ADGRB3: variants seen among roughly 807,000 people sequenced by gnomAD.
ADGRB3 encodes brain-specific angiogenesis inhibitor 3.
ADGRB3 carries 37 observed loss-of-function variants against 193.4 expected under a neutral mutation model. The observed-to-expected ratio is 0.19, with a 90% CI of 0.15 to 0.25. The LOEUF is 0.25. Among genes scored for constraint, ADGRB3 ranks in the 10% least tolerant of loss-of-function variants. The pLI, the probability that ADGRB3 is intolerant of heterozygous loss-of-function variation, is 1.00. For missense variants in ADGRB3, 1,637 were observed against 1,852.9 expected (o/e 0.88, Z 2.14); for synonymous variants, 690 against 644.2 (o/e 1.07, Z -1.08).
At position 69,310,801 on chromosome 6, in the gene ADGRB3, T is replaced by C. The variant is rs186378161; in HGVS notation, c.2815-14071T>C. ...AATGACAAAAGCTGTAAGGAAACCA[T>C]GGTAAAGAAAAAGACCTCCTAGAGT... On this transcript the variant is annotated intron_variant, in intron 20 of 31. Coordinates refer to ENST00000370598, the MANE Select transcript of ADGRB3 (RefSeq NM_001704.3). Among the ~76,000 whole-genome samples, 544 of 151,812 alleles carry C rather than the reference T, an allele frequency of 3.6e-3. 3 individuals carry two copies. The highest frequency in any genetic ancestry group is 0.029 in the South Asian group (140 of 4,828).
At chr6:69,186,587 C>T (rs996298316) in intron 17 of ADGRB3, among the ~76,000 whole-genome samples, 4 of 151,826 alleles carry the variant, frequency 2.6e-5, no homozygotes, top group African/African-American at 7.3e-5. Flanking sequence ...AAGCCTGGCA[C>T]ATAATAAAAT....
chr6:69,021,477 G>C (rs1487910846), intron 13 of ADGRB3, among the ~76,000 whole-genome samples: 1 of 151,848 alleles, frequency 6.6e-6, no homozygotes, highest in Non-Finnish European at 1.5e-5. Flanking sequence ...TACTGGATTA[G>C]ATAGAATGGG....
Position 69,279,066 on chromosome 6 carries a change from CATATGTATAT to C in ADGRB3, c.2814+39845_2814+39854del, listed in dbSNP as rs1767362668. ...AACACCTCATATGGCATATTAAATA[CATATGTATAT>C]ATATATATATATATATATATATATA... On this transcript the variant is annotated intron_variant, in intron 20 of 31. Transcript: ENST00000370598. Among the ~76,000 whole-genome samples the C allele has an allele frequency of 1.9e-4, 10 of 53,756 alleles. No homozygotes were observed. The South Asian group carries it at 4.8e-3, about 26-fold the overall frequency. The allele number at this position is 53,756 out of a possible 152,430, so 35.3% of individuals were successfully genotyped here.
At chr6:69,219,492 T>TATATATATATATATAC in intron 17 of ADGRB3, among the ~76,000 whole-genome samples, 1 of 141,590 alleles carries the variant, frequency 7.1e-6, no homozygotes, top group African/African-American at 2.6e-5. Flanking sequence ...TATATATATA[T>TATATATATATATATAC]ACGTGTGTGT....
At chr6:68,773,598 C>G (rs1272721463) in intron 3 of ADGRB3, among the ~76,000 whole-genome samples, 1 of 152,134 alleles carries the variant, frequency 6.6e-6, no homozygotes, top group East Asian at 1.9e-4. Context: ...TATGCTCTCT[C>G]CATTTGTCTG....
chr6:69,273,862 C>T (rs1767233866), intron 20 of ADGRB3, among the ~76,000 whole-genome samples: 2 of 152,274 alleles, frequency 1.3e-5, no homozygotes, highest in South Asian at 4.1e-4. Context: ...AGAAAACAAT[C>T]TGTCACTGGG....
At chr6:68,688,904 T>A (rs1289185296) in intron 3 of ADGRB3, among the ~76,000 whole-genome samples, 1 of 152,156 alleles carries the variant, frequency 6.6e-6, no homozygotes, top group East Asian at 1.9e-4. Context: ...GCATTAATGA[T>A]TCCCCATTGT....
At chr6:69,288,555 C>A (rs543195042) in intron 20 of ADGRB3, among the ~76,000 whole-genome samples, 1 of 152,284 alleles carries the variant, frequency 6.6e-6, no homozygotes, top group East Asian at 1.9e-4. Flanking sequence ...GCTTACCATT[C>A]TCCAGAAACT....
intron 3 of ADGRB3, among the ~76,000 whole-genome samples, chr6:68,913,716 A>T (rs1322049852): frequency 6.6e-6 from 1 of 152,256 alleles, no homozygotes; most frequent in African/African-American, 2.4e-5. Context: ...GAGTTGAGAG[A>T]AGAAGGCTTC....
chr6:69,357,993 G>A (rs559033427), intron 28 of ADGRB3, among the ~76,000 whole-genome samples: 5 of 151,936 alleles, frequency 3.3e-5, no homozygotes, highest in South Asian at 2.1e-4. Flanking sequence ...TGATTTGTCC[G>A]GGTTTAGAAG....
At chr6:69,262,067 A>G (rs1561969931) in intron 20 of ADGRB3, among the ~76,000 whole-genome samples, 1 of 152,036 alleles carries the variant, frequency 6.6e-6, no homozygotes, top group Non-Finnish European at 1.5e-5. Context: ...AATGTATCAT[A>G]AAGGACAGAA....
chr6:68,797,171 T>C (rs1215663361), intron 3 of ADGRB3, among the ~76,000 whole-genome samples: 2 of 152,242 alleles, frequency 1.3e-5, no homozygotes, highest in African/African-American at 4.8e-5. Context: ...TTAAGTACCT[T>C]GCGTGGGTCA....
chr6:69,094,235 C>A (rs192975533), intron 17 of ADGRB3, among the ~76,000 whole-genome samples: 1 of 152,242 alleles, frequency 6.6e-6, no homozygotes, highest in African/African-American at 2.4e-5. Context: ...CTGTACAACA[C>A]CTTCTCCATG....
At chr6:68,918,898 C>T (rs1227695445) in intron 3 of ADGRB3, among the ~76,000 whole-genome samples, 3 of 152,036 alleles carry the variant, frequency 2.0e-5, no homozygotes, top group Non-Finnish European at 4.4e-5. Context: ...TTTACCGCAG[C>T]GTAGTATTTA....
chr6:69,267,461 G>C (rs927086315), intron 20 of ADGRB3, among the ~76,000 whole-genome samples: 26 of 152,106 alleles, frequency 1.7e-4, no homozygotes, highest in African/African-American at 6.3e-4. Flanking sequence ...CAAAAGTACT[G>C]AGCTAGCATT....
chr6:69,235,071 G>A lies in ADGRB3; in HGVS notation c.2647G>A (p.Val883Ile). The A allele has an allele frequency of 6.2e-7, 1 of 1,613,224 alleles. No homozygotes were observed. The highest frequency in any genetic ancestry group is 8.5e-7 in the Non-Finnish European group (1 of 1,179,324). Residue 883 changes from valine to isoleucine, a missense_variant, in exon 19 of 32, where the codon GTA (valine) becomes ATA (isoleucine). Val to Ile is a conservative substitution (Grantham distance 29). Coordinates refer to ENST00000370598, the MANE Select transcript of ADGRB3 (RefSeq NM_001704.3). ...TGGCACACCTTCAGTTACCCTAATAGTAGGCAGTGGTCTTTCTTGCTTGGC... is the reference window on the plus strand; with the variant it reads ...TGGCACACCTTCAGTTACCCTAATAATAGGCAGTGGTCTTTCTTGCTTGGC... The part of the protein sequence containing the change: ...SSGTPSVTLI[V>I]GSGLSCLALI...
intron 20 of ADGRB3, among the ~76,000 whole-genome samples, chr6:69,311,415 T>C (rs1216867155): frequency 6.6e-6 from 1 of 151,768 alleles, no homozygotes; most frequent in Non-Finnish European, 1.5e-5. Flanking sequence ...GTTTTTCCGA[T>C]GGTAATGAGC....
At chr6:69,235,818 G>A (rs1305682262) in intron 19 of ADGRB3, among the ~76,000 whole-genome samples, 1 of 151,936 alleles carries the variant, frequency 6.6e-6, no homozygotes, top group Non-Finnish European at 1.5e-5. Flanking sequence ...GTGTTACTAA[G>A]AATTAGACCT....
At chr6:68,813,834 GC>G (rs1767570001) in intron 3 of ADGRB3, among the ~76,000 whole-genome samples, 1 of 152,110 alleles carries the variant, frequency 6.6e-6, no homozygotes, top group South Asian at 2.1e-4. Flanking sequence ...GCGATAGTTT[GC>G]TGAGAATGAT....
Sources: allele counts gnomAD v4.1 joint callset (sites outside exome capture counted in the v4.1 genomes callset), GRCh38; gene constraint gnomAD v4.1.1; transcripts MANE v1.5; gene names NCBI Gene and HGNC (gene_info 2026-07-23, HGNC 2026-07-21).